Variants in RASSF8 observed in about 807,000 individuals in gnomAD.
RASSF8 encodes Ras association domain family member 8.
In RASSF8, 22 loss-of-function variants were observed where a neutral mutation model predicts 48.5. The observed-to-expected ratio is 0.45, with a 90% CI of 0.32 to 0.65. The LOEUF is 0.65. Among genes scored for constraint, RASSF8 ranks in the 30% least tolerant of loss-of-function variants. RASSF8 has a pLI of 0.03. For missense variants in RASSF8, 418 were observed against 489.2 expected (o/e 0.85, Z 1.37); for synonymous variants, 127 against 171.5 (o/e 0.74, Z 2.03).
chr12:25,962,015 C>T (rs1007051877), intron 1 of RASSF8, among the ~76,000 whole-genome samples: 1 of 151,980 alleles, frequency 6.6e-6, no homozygotes, highest in African/African-American at 2.4e-5. Context: ...CCTGCACACA[C>T]TCTGCACCCC....
chr12:25,987,287 T>C (rs1941908603), intron 1 of RASSF8, among the ~76,000 whole-genome samples: 1 of 152,214 alleles, frequency 6.6e-6, no homozygotes, highest in South Asian at 2.1e-4. Flanking sequence ...GTGTTCATGA[T>C]ATGAACTGAC....
At chr12:26,048,651 AG>A (rs1213379027) in intron 2 of RASSF8, among the ~76,000 whole-genome samples, 3 of 152,048 alleles carry the variant, frequency 2.0e-5, no homozygotes, top group Non-Finnish European at 2.9e-5. Flanking sequence ...ATACCTCCCA[AG>A]TGGCTATTTT....
At chr12:26,068,116 A>C (rs909979494) in intron 5 of RASSF8, among the ~76,000 whole-genome samples, 1 of 152,028 alleles carries the variant, frequency 6.6e-6, no homozygotes, top group Non-Finnish European at 1.5e-5. Flanking sequence ...TTAAAATATT[A>C]CCCTAACATT....
intron 2 of RASSF8, among the ~76,000 whole-genome samples, chr12:26,044,176 G>T (rs1943324375): frequency 6.6e-6 from 1 of 152,140 alleles, no homozygotes; most frequent in Non-Finnish European, 1.5e-5. Flanking sequence ...ACTAAGGCAG[G>T]CTGGAGATTT....
chr12:26,036,268 C>T (rs893364927), intron 2 of RASSF8, among the ~76,000 whole-genome samples: 3 of 151,824 alleles, frequency 2.0e-5, no homozygotes, highest in Admixed American at 6.6e-5. Context: ...GAGGGCACAT[C>T]GGGGGAAACC....
At position 26,070,519 on chromosome 12, in the gene RASSF8, A is replaced by C; in HGVS notation, c.*1701A>C. On this transcript the variant is annotated 3_prime_UTR_variant, in exon 6 of 6. Transcript: ENST00000689635. Reference sequence around the variant, plus strand: ...CTTGCCATTATGTTACTTTGCAAATAACTGAAGTAAATGATTCTTACCTAA... The same window carrying C: ...CTTGCCATTATGTTACTTTGCAAATCACTGAAGTAAATGATTCTTACCTAA... The C allele has an allele frequency of 1.0e-6, 1 of 983,738 alleles. No individual in the cohort carries two copies. Among genetic ancestry groups the C allele is most frequent in the South Asian group, 4.7e-5 (1 of 21,268 alleles). 60.9% of individuals were successfully genotyped at this position (983,738 alleles called of 1,614,324 possible). A position where few individuals can be genotyped will look rare whatever the true frequency, so the allele number is the denominator to read the frequency against.
Position 26,064,542 on chromosome 12 carries a change from GA to G in RASSF8, c.151del (p.Arg51AspfsTer3). 4 of 1,608,282 alleles carry G rather than the reference GA, an allele frequency of 2.5e-6. No individual in the cohort carries two copies. Among genetic ancestry groups the G allele is most frequent in the Non-Finnish European group, 3.4e-6 (4 of 1,176,774 alleles). ...CCTTATAGAGAAATGGAGAGATACT[GA>G]AAGACACTTAGCACCTCATGAAAAT... ...YTLIEKWRDT[E>X]RHLAPHENPI... On this transcript the variant is annotated frameshift_variant, in exon 4 of 6. Coordinates refer to ENST00000689635, the MANE Select transcript of RASSF8 (RefSeq NM_001394098.1). LOFTEE classifies it high-confidence loss of function.
rs117357054 is a variant in RASSF8 at position 25,962,512 on chromosome 12, A to T, written c.-203+3364A>T. ...TATGAAGTTGATAATACCTGGTTTAATCACCAGTGCCCAGTATATGTAGTA... is the reference window on the plus strand; with the variant it reads ...TATGAAGTTGATAATACCTGGTTTATTCACCAGTGCCCAGTATATGTAGTA... On this transcript the variant is annotated intron_variant, in intron 1 of 5. Coordinates refer to ENST00000689635, the MANE Select transcript of RASSF8 (RefSeq NM_001394098.1). Among the ~76,000 whole-genome samples, 633 of 152,270 alleles carry T rather than the reference A, an allele frequency of 4.2e-3. 3 individuals carry two copies. The highest frequency in any genetic ancestry group is 7.1e-3 in the Non-Finnish European group (486 of 68,020).
At chr12:25,962,029 C>A (rs901262935) in intron 1 of RASSF8, among the ~76,000 whole-genome samples, 1 of 150,462 alleles carries the variant, frequency 6.6e-6, no homozygotes. Context: ...GCACCCCTTG[C>A]AGTCTGTTTT....
At chr12:25,967,978 C>G (rs1025196953) in intron 1 of RASSF8, among the ~76,000 whole-genome samples, 2 of 152,214 alleles carry the variant, frequency 1.3e-5, no homozygotes, top group Admixed American at 6.5e-5. Context: ...GTAATCCATC[C>G]TCTCTCCCGA....
intron 1 of RASSF8, among the ~76,000 whole-genome samples, chr12:25,968,199 T>A (rs1941402754): frequency 1.3e-5 from 2 of 152,328 alleles, no homozygotes; most frequent in East Asian, 3.9e-4. Flanking sequence ...GGCATCCATA[T>A]CTTAATTGCC....
intron 1 of RASSF8, among the ~76,000 whole-genome samples, chr12:25,985,307 A>G (rs1941846731): frequency 6.6e-6 from 1 of 152,222 alleles, no homozygotes; most frequent in Non-Finnish European, 1.5e-5. Flanking sequence ...ATACCAAATT[A>G]TAGCTCAAAC....
chr12:26,010,741 C>A lies in RASSF8; in HGVS notation c.-109+15611C>A, dbSNP rs1942503255. On this transcript the variant is annotated intron_variant, in intron 2 of 5. Transcript: ENST00000689635. ...AGGAATGCTTCTGGGCTGAACAATTCTATTGTTGGTGATAGGAGAGGGCGG... is the reference window on the plus strand; with the variant it reads ...AGGAATGCTTCTGGGCTGAACAATTATATTGTTGGTGATAGGAGAGGGCGG... 2.0e-5 allele frequency among the ~76,000 whole-genome samples: 3 copies of A among 152,138 alleles called. No homozygotes were observed. The South Asian group carries it at 6.2e-4, about 32-fold the overall frequency.
chr12:26,073,796 G>A (rs28566837), downstream of RASSF8, among the ~76,000 whole-genome samples: 8,564 of 53,644 alleles, frequency 0.16, 458 homozygotes, highest in Middle Eastern at 0.31. Context: ...TACACATTAT[G>A]TATACACACA....
chr12:25,991,206 G>A (rs2136945917), intron 1 of RASSF8, among the ~76,000 whole-genome samples: 1 of 152,018 alleles, frequency 6.6e-6, no homozygotes, highest in Non-Finnish European at 1.5e-5. Flanking sequence ...AAAAAAAAAG[G>A]TAGAGCCTCT....
chr12:26,058,661 A>G (rs746096108), intron 3 of RASSF8, among the ~76,000 whole-genome samples: 13 of 152,260 alleles, frequency 8.5e-5, no homozygotes, highest in Non-Finnish European at 1.8e-4. Context: ...CTATGAAAAT[A>G]TGCACACAAG....
intron 2 of RASSF8, among the ~76,000 whole-genome samples, chr12:26,033,085 G>A (rs1349966397): frequency 6.6e-6 from 1 of 152,154 alleles, no homozygotes; most frequent in Non-Finnish European, 1.5e-5. Flanking sequence ...TCCTTGAAAT[G>A]TGACTTTTCC....
intron 2 of RASSF8, among the ~76,000 whole-genome samples, chr12:26,019,191 A>G (rs547563183): frequency 6.6e-6 from 1 of 152,200 alleles, no homozygotes; most frequent in Non-Finnish European, 1.5e-5. Context: ...TTTCAAAATA[A>G]TCTTAGTAAT....
chr12:25,966,953 G>C (rs1941374075), intron 1 of RASSF8, among the ~76,000 whole-genome samples: 2 of 152,306 alleles, frequency 1.3e-5, no homozygotes, highest in South Asian at 4.1e-4. Flanking sequence ...TACATGGTGT[G>C]AGTTATGGAT....
Sources: gnomAD v4.1 joint callset for allele counts (sites outside exome capture counted in the v4.1 genomes callset) on GRCh38, gnomAD v4.1.1 for gene constraint, MANE v1.5 for transcripts, NCBI Gene and HGNC (gene_info 2026-07-23, HGNC 2026-07-21) for gene names.